Variants in MAGI1 observed in about 807,000 individuals in gnomAD.
MAGI1 encodes membrane associated guanylate kinase, WW and PDZ domain containing 1.
In MAGI1, 58 loss-of-function variants were observed where a neutral mutation model predicts 139.9. That is an observed-to-expected ratio of 0.41 (90% CI 0.34 to 0.52). The LOEUF is 0.52. Among genes scored for constraint, MAGI1 ranks in the 20% least tolerant of loss-of-function variants. The probability of loss-of-function intolerance (pLI) is 0.12; values close to 1 mark genes in which losing one functional copy is unlikely to be tolerated. For synonymous variants in MAGI1, 812 were observed against 737.9 expected, an observed-to-expected ratio of 1.10 and a Z score of -1.63; for missense variants, 1,874 against 1,901.6, an observed-to-expected ratio of 0.99 and a Z score of 0.27.
At chr3:65,502,330 G>A (rs888143291) in intron 2 of MAGI1, among the ~76,000 whole-genome samples, 4 of 152,176 alleles carry the variant, frequency 2.6e-5, no homozygotes, top group Non-Finnish European at 5.9e-5. Context: ...ATCACAAAAG[G>A]GGATTGACAA....
intron 1 of MAGI1, among the ~76,000 whole-genome samples, chr3:65,629,233 C>T (rs941008543): frequency 2.6e-5 from 4 of 152,090 alleles, no homozygotes; most frequent in Non-Finnish European, 5.9e-5. Flanking sequence ...CCAGGTTTCC[C>T]AAGAGAACAC....
intron 1 of MAGI1, among the ~76,000 whole-genome samples, chr3:65,994,156 C>A (rs539399593): frequency 2.2e-4 from 34 of 151,628 alleles, no homozygotes; most frequent in African/African-American, 5.6e-4. Flanking sequence ...TGCCTGTAAT[C>A]CTAGCTACTT....
chr3:65,427,249 C>G (rs766246043), intron 12 of MAGI1, among the ~76,000 whole-genome samples: 1 of 152,062 alleles, frequency 6.6e-6, no homozygotes, highest in East Asian at 1.9e-4. Flanking sequence ...GAGGTTGAGG[C>G]TGCAGTGAGC....
chr3:65,878,812 T>C (rs1270701155), intron 1 of MAGI1, among the ~76,000 whole-genome samples: 1 of 152,200 alleles, frequency 6.6e-6, no homozygotes, highest in East Asian at 1.9e-4. Context: ...CTGCCTGGAC[T>C]GATTTAACGA....
chr3:65,648,012 T>C (rs2085357898), intron 1 of MAGI1, among the ~76,000 whole-genome samples: 1 of 152,212 alleles, frequency 6.6e-6, no homozygotes, highest in Non-Finnish European at 1.5e-5. Context: ...TTAAACTGTC[T>C]TGTTATTCCT....
At chr3:65,516,453 A>G (rs1032978570) in intron 2 of MAGI1, among the ~76,000 whole-genome samples, 3 of 152,098 alleles carry the variant, frequency 2.0e-5, no homozygotes, top group South Asian at 2.1e-4. Context: ...TTGGAATTAC[A>G]GGCATGAGCC....
intron 1 of MAGI1, among the ~76,000 whole-genome samples, chr3:65,859,131 G>A (rs932884502): frequency 1.3e-5 from 2 of 152,096 alleles, no homozygotes; most frequent in Non-Finnish European, 2.9e-5. Context: ...TCAGGAGTTC[G>A]AGACCCGCTT....
intron 1 of MAGI1, among the ~76,000 whole-genome samples, chr3:65,978,458 A>G (rs2065373887): frequency 6.6e-6 from 1 of 151,868 alleles, no homozygotes; most frequent in Non-Finnish European, 1.5e-5. Flanking sequence ...CAGGGGAGGG[A>G]GCTGACTGTC....
At chr3:65,362,176 A>G (rs1454360174) in intron 21 of MAGI1, among the ~76,000 whole-genome samples, 4 of 152,146 alleles carry the variant, frequency 2.6e-5, no homozygotes, top group African/African-American at 9.7e-5. Context: ...TTTCTTACTT[A>G]TAGAAGAGGC....
At chr3:65,819,836 C>G (rs1207530129) in intron 1 of MAGI1, among the ~76,000 whole-genome samples, 1 of 124,796 alleles carries the variant, frequency 8.0e-6, no homozygotes, top group Non-Finnish European at 1.6e-5. Context: ...GAGATCACAC[C>G]ACTGCACTCC....
chr3:65,532,556 C>T (rs1294754451), intron 2 of MAGI1, among the ~76,000 whole-genome samples: 1 of 152,176 alleles, frequency 6.6e-6, no homozygotes, highest in East Asian at 1.9e-4. Context: ...ATAGAGAAGG[C>T]ACATCTCTCT....
At chr3:65,697,406 G>A (rs1439120025) in intron 1 of MAGI1, among the ~76,000 whole-genome samples, 1 of 147,468 alleles carries the variant, frequency 6.8e-6, no homozygotes, top group African/African-American at 2.5e-5. Flanking sequence ...CCAAAGCCAG[G>A]CAGAGACACA....
chr3:65,778,192 G>A (rs2038625895), intron 1 of MAGI1, among the ~76,000 whole-genome samples: 1 of 152,062 alleles, frequency 6.6e-6, no homozygotes, highest in East Asian at 1.9e-4. Context: ...CACTTTGGGG[G>A]GCCAAGGCTG....
At chr3:65,580,334 CCAAGTAATCTCG>C (rs1310728182) in intron 2 of MAGI1, among the ~76,000 whole-genome samples, 1 of 149,294 alleles carries the variant, frequency 6.7e-6, no homozygotes, top group Non-Finnish European at 1.5e-5. Flanking sequence ...TTTTTCTTGG[CCAAGTAATCTCG>C]CATCTTGCTT....
Position 65,685,667 on chromosome 3 carries a change from T to C in MAGI1, c.314-63579A>G, listed in dbSNP as rs1238680556. ...CAATCAATAAAACTCACCCTACATA[T>C]TGCTATTTTCATTTGATCATTTCCA... On this transcript the variant is annotated intron_variant, in intron 1 of 22. Transcript: ENST00000402939. Among the ~76,000 whole-genome samples the C allele has an allele frequency of 2.6e-5, 4 of 152,330 alleles. 1 individual carries two copies. The highest frequency in any genetic ancestry group is 4.1e-4 in the South Asian group (2 of 4,830).
chr3:65,602,630 C>T (rs957919796), intron 2 of MAGI1, among the ~76,000 whole-genome samples: 1 of 151,756 alleles, frequency 6.6e-6, no homozygotes. Context: ...GACAGTTGTA[C>T]ACCTTGAGAA....
At chr3:65,845,395 C>G (rs1296883524) in intron 1 of MAGI1, among the ~76,000 whole-genome samples, 1 of 152,140 alleles carries the variant, frequency 6.6e-6, no homozygotes, top group Non-Finnish European at 1.5e-5. Flanking sequence ...TACATGTCAA[C>G]TAATCTCACT....
intron 1 of MAGI1, among the ~76,000 whole-genome samples, chr3:66,017,953 T>C (rs1457859146): frequency 7.2e-5 from 11 of 152,174 alleles, no homozygotes; most frequent in Admixed American, 7.2e-4. Context: ...AAAGCAAACA[T>C]CTTTACTCTT....
chr3:65,377,987 A>C (rs749127673), intron 17 of MAGI1, among the ~76,000 whole-genome samples: 1 of 152,210 alleles, frequency 6.6e-6, no homozygotes. Context: ...TTCCATGTGG[A>C]TAAGTCATTC....
Sources: allele counts gnomAD v4.1 joint callset (sites outside exome capture counted in the v4.1 genomes callset), GRCh38; gene constraint gnomAD v4.1.1; transcripts MANE v1.5; gene names NCBI Gene and HGNC (gene_info 2026-07-23, HGNC 2026-07-21).